Variants in FCHSD2 observed in about 807,000 individuals in gnomAD.
FCHSD2 encodes FCH and double SH3 domains 2, also known as F-BAR and double SH3 domains protein 2.
Under a neutral mutation model 108.1 loss-of-function variants are expected in FCHSD2, and 38 were observed. That is an observed-to-expected ratio of 0.35 (90% confidence interval 0.27 to 0.46). The LOEUF (loss-of-function observed/expected upper bound fraction) is 0.46. Ranked by LOEUF, FCHSD2 falls within the 20% of genes least tolerant of loss-of-function variation. FCHSD2 has a pLI of 1.00. For synonymous variants in FCHSD2, 279 were observed against 314.7 expected (o/e 0.89, Z 1.20); for missense variants, 751 against 897.8 (o/e 0.84, Z 2.09).
intron 9 of FCHSD2, among the ~76,000 whole-genome samples, chr11:72,916,502 A>C (rs1212993407): frequency 6.6e-6 from 1 of 151,840 alleles, no homozygotes; most frequent in Non-Finnish European, 1.5e-5. Context: ...TTTTGTAGAG[A>C]TAGGGTCTTG....
chr11:73,061,055 C>G (rs975884378), intron 3 of FCHSD2, among the ~76,000 whole-genome samples: 2 of 152,224 alleles, frequency 1.3e-5, no homozygotes, highest in African/African-American at 4.8e-5. Context: ...TGGTCTGCAG[C>G]TCCCAGCAAG....
At chr11:72,914,962 A>AT (rs1484667611) in intron 9 of FCHSD2, among the ~76,000 whole-genome samples, 11 of 41,944 alleles carry the variant, frequency 2.6e-4, no homozygotes, top group East Asian at 1.5e-3. Flanking sequence ...ACAGAATGGG[A>AT]ATTTTTTTTT....
chr11:72,951,137 A>T (rs1249903997), intron 8 of FCHSD2, among the ~76,000 whole-genome samples: 1 of 152,104 alleles, frequency 6.6e-6, no homozygotes, highest in Non-Finnish European at 1.5e-5. Context: ...TCTACTCCAA[A>T]CCATTGCATT....
chr11:72,953,582 A>G (rs1037496641), intron 8 of FCHSD2, among the ~76,000 whole-genome samples: 1 of 152,150 alleles, frequency 6.6e-6, no homozygotes, highest in South Asian at 2.1e-4. Flanking sequence ...TCAAGAGTCT[A>G]CTATTTGTCA....
chr11:73,095,455 T>A (rs1055172170), intron 2 of FCHSD2, among the ~76,000 whole-genome samples: 7 of 152,026 alleles, frequency 4.6e-5, no homozygotes, highest in Non-Finnish European at 8.8e-5. Flanking sequence ...AATAACAAAG[T>A]CAGACTCTCC....
At chr11:72,910,827 T>TA (rs34549479) in intron 9 of FCHSD2, among the ~76,000 whole-genome samples, 2,839 of 116,586 alleles carry the variant, frequency 0.024, 33 homozygotes, top group South Asian at 0.061. Flanking sequence ...CAATAAATAC[T>TA]AAAAAAAAAA....
At chr11:73,019,892 C>T (rs1298917773) in intron 3 of FCHSD2, among the ~76,000 whole-genome samples, 1 of 151,986 alleles carries the variant, frequency 6.6e-6, no homozygotes, top group East Asian at 1.9e-4. Flanking sequence ...GAAAATAAAC[C>T]TATGTCTTGC....
chr11:73,101,294 T>C (rs888842770), intron 2 of FCHSD2, among the ~76,000 whole-genome samples: 5 of 152,314 alleles, frequency 3.3e-5, no homozygotes, highest in South Asian at 2.1e-4. Flanking sequence ...AAGTGCTAGA[T>C]TTGTTTATTC....
chr11:73,098,454 A>G (rs981926640), intron 2 of FCHSD2, among the ~76,000 whole-genome samples: 1 of 152,372 alleles, frequency 6.6e-6, no homozygotes, highest in Admixed American at 6.5e-5. Flanking sequence ...ATAATTGCTT[A>G]TAATCTAACA....
chr11:73,063,230 G>A (rs1859208241), intron 3 of FCHSD2, among the ~76,000 whole-genome samples: 1 of 152,154 alleles, frequency 6.6e-6, no homozygotes, highest in Non-Finnish European at 1.5e-5. Flanking sequence ...TTACAGACAA[G>A]CAAATGCTGA....
At chr11:73,119,808 C>G (rs919718475) in intron 2 of FCHSD2, among the ~76,000 whole-genome samples, 1 of 152,082 alleles carries the variant, frequency 6.6e-6, no homozygotes, top group Non-Finnish European at 1.5e-5. Flanking sequence ...AGAAATTTAT[C>G]CTTATTTATC....
intron 13 of FCHSD2, among the ~76,000 whole-genome samples, chr11:72,860,818 A>G (rs979158481): frequency 6.9e-6 from 1 of 145,822 alleles, no homozygotes; most frequent in Non-Finnish European, 1.5e-5. Flanking sequence ...ACTCTGTTTG[A>G]AAAAAAAAAA....
At chr11:73,125,730 T>C (rs1019592338) in intron 2 of FCHSD2, among the ~76,000 whole-genome samples, 1 of 151,956 alleles carries the variant, frequency 6.6e-6, no homozygotes, top group East Asian at 1.9e-4. Flanking sequence ...TGTCATATCT[T>C]AGAATGACCA....
chr11:72,955,759 C>G (rs1396656483), intron 8 of FCHSD2, among the ~76,000 whole-genome samples: 2 of 152,042 alleles, frequency 1.3e-5, no homozygotes, highest in East Asian at 3.9e-4. Context: ...GGGTCAGAGA[C>G]CAAATATAGG....
intron 5 of FCHSD2, among the ~76,000 whole-genome samples, chr11:72,994,033 A>T (rs960648362): frequency 1.3e-5 from 2 of 152,206 alleles, no homozygotes; most frequent in African/African-American, 2.4e-5. Context: ...GTTGTAAAAA[A>T]TTTTAGTCTC....
In FCHSD2 at chr11:72,921,955, A is replaced by G. The variant is rs190081817; in HGVS notation, c.706-5T>C. On this transcript the variant is annotated splice_polypyrimidine_tract_variant and splice_region_variant and intron_variant, in intron 8 of 19. Transcript: ENST00000409418. Reference sequence around the variant, plus strand: ...ATACACATTTCCATCAAGAGCCTGTAATAGAGGAGTAAATAAAAGAAAAAA... The same window carrying G: ...ATACACATTTCCATCAAGAGCCTGTGATAGAGGAGTAAATAAAAGAAAAAA... 1,425 of 1,576,302 alleles carry G rather than the reference A, an allele frequency of 9.0e-4. 2 individuals are homozygous for G. Among genetic ancestry groups the G allele is most frequent in the Non-Finnish European group, 1.2e-3 (1,334 of 1,159,260 alleles).
chr11:72,992,600 G>A (rs1248861123), intron 5 of FCHSD2, among the ~76,000 whole-genome samples: 1 of 152,096 alleles, frequency 6.6e-6, no homozygotes, highest in Non-Finnish European at 1.5e-5. Flanking sequence ...CAGAAATAAT[G>A]CCACATATCT....
chr11:72,921,678 T>A (rs1855977967), intron 9 of FCHSD2, 150 bp downstream of exon 9: 1 of 640,012 alleles, frequency 1.6e-6, no homozygotes, highest in African/African-American at 1.8e-5. Context: ...CAGAATCTCC[T>A]CCAACTTTGT....
chr11:72,936,523 C>T (rs1481387586), intron 8 of FCHSD2, among the ~76,000 whole-genome samples: 1 of 152,242 alleles, frequency 6.6e-6, no homozygotes, highest in African/African-American at 2.4e-5. Flanking sequence ...GCCTGTACTC[C>T]CAGCACTTTG....
Sources: allele counts gnomAD v4.1 joint callset (sites outside exome capture counted in the v4.1 genomes callset), GRCh38; gene constraint gnomAD v4.1.1; transcripts MANE v1.5; gene names NCBI Gene and HGNC (gene_info 2026-07-23, HGNC 2026-07-21).